RBPJ: variants seen among roughly 807,000 people sequenced by gnomAD.
The protein encoded by RBPJ is recombining binding protein suppressor of hairless.
Under a neutral mutation model 67.8 loss-of-function variants are expected in RBPJ, and 9 were observed. That is an observed-to-expected ratio of 0.13 (90% CI 0.08 to 0.23). The LOEUF (loss-of-function observed/expected upper bound fraction) is 0.23. RBPJ is among the 10% of genes least tolerant of loss of function. RBPJ has a pLI of 1.00. For missense variants in RBPJ, 305 were observed against 595.6 expected (o/e 0.51, Z 5.08); for synonymous variants, 198 against 203.3 (o/e 0.97, Z 0.22).
At chr4:26,322,800 G>C (rs1425766439) in intron 1 of RBPJ, 1 of 151,822 alleles carries the variant, frequency 6.6e-6, no homozygotes, top group Admixed American at 6.6e-5. Flanking sequence ...TTGTGTGAAT[G>C]GGGGTGGGGG....
chr4:26,397,090 C>G (rs573587618), intron 2 of RBPJ, among the ~76,000 whole-genome samples: 9 of 152,314 alleles, frequency 5.9e-5, no homozygotes, highest in African/African-American at 2.2e-4. Context: ...ACAAATATCC[C>G]TCTCTTGAAG....
the RBPJ span, among the ~76,000 whole-genome samples, chr4:26,122,881 C>T: frequency 6.6e-6 from 1 of 152,114 alleles, no homozygotes; most frequent in South Asian, 2.1e-4. Flanking sequence ...TCCAATAAAA[C>T]TTTATTTACA....
At chr4:26,363,299 C>T (rs184449478) in intron 1 of RBPJ, among the ~76,000 whole-genome samples, 31 of 152,202 alleles carry the variant, frequency 2.0e-4, no homozygotes, top group African/African-American at 6.7e-4. Flanking sequence ...ACCACTATAC[C>T]TGGCTAGTTT....
chr4:26,158,844 G>A (rs759971625), upstream of RBPJ, among the ~76,000 whole-genome samples: 7 of 152,122 alleles, frequency 4.6e-5, no homozygotes, highest in Non-Finnish European at 1.0e-4. Flanking sequence ...CTTGAAAGAT[G>A]AGGAACTAAA....
At chr4:26,316,384 TAC>T (rs1201386183), upstream of RBPJ, among the ~76,000 whole-genome samples, 2 of 146,396 alleles carry the variant, frequency 1.4e-5, no homozygotes, top group African/African-American at 5.0e-5. Context: ...TTCATATATA[TAC>T]ATTCATATAT....
At chr4:26,418,708 G>T (rs1459248615) in intron 4 of RBPJ, among the ~76,000 whole-genome samples, 4 of 152,042 alleles carry the variant, frequency 2.6e-5, no homozygotes, top group Non-Finnish European at 5.9e-5. Context: ...TTTCCCATTA[G>T]AATGTAATTA....
At chr4:26,420,772 T>G in intron 5 of RBPJ, 47 bp downstream of exon 5, 1 of 1,448,864 alleles carries the variant, frequency 6.9e-7, no homozygotes, top group South Asian at 1.4e-5. Context: ...CATGAATTAA[T>G]AAGACAGACT....
At chr4:26,119,964 T>C in the RBPJ span, among the ~76,000 whole-genome samples, 6 of 152,212 alleles carry the variant, frequency 3.9e-5, no homozygotes, top group African/African-American at 1.4e-4. Flanking sequence ...GGCAAAGACA[T>C]CCACTTTATA....
intron 1 of RBPJ, among the ~76,000 whole-genome samples, chr4:26,191,210 T>TATAGAG (rs1364457297): frequency 2.0e-3 from 53 of 26,806 alleles, no homozygotes; most frequent in Non-Finnish European, 2.5e-3. Flanking sequence ...TATATATATA[T>TATAGAG]AGAGAGAGAG....
rs7680671 is a variant in RBPJ, at chr4:26,244,385, G to A, written c.-167+80771G>A. On this transcript the variant is annotated intron_variant, in intron 1 of 4. Transcript: ENST00000512351. The stretch of plus-strand genomic sequence containing the variant: ...TATGCACATATGTGTACACGTGTGT[G>A]TATATATGTATGCACATATGTGTGT... Among the ~76,000 whole-genome samples, 2 of 8,026 alleles carry A rather than the reference G, an allele frequency of 2.5e-4. 1 individual carries two copies. The highest frequency in any genetic ancestry group is 7.4e-4 in the Non-Finnish European group (2 of 2,714). The allele number at this position is 8,026 out of a possible 152,430, so 5.3% of individuals were successfully genotyped here.
chr4:26,142,137 C>T, the RBPJ span, among the ~76,000 whole-genome samples: 1 of 152,234 alleles, frequency 6.6e-6, no homozygotes, highest in Non-Finnish European at 1.5e-5. Flanking sequence ...CCAGGAGCCC[C>T]ACTGCTAAGG....
In RBPJ at chr4:26,255,570, A is replaced by G. The variant is rs1227788610; in HGVS notation, c.-167+91956A>G. The stretch of plus-strand genomic sequence containing the variant: ...GTAATCCCAGCACTTTGGGAGGCCA[A>G]GGCGGGCGGATCACGAGGTCGGGAG... On this transcript the variant is annotated intron_variant, in intron 1 of 4. Transcript: ENST00000512351. Among the ~76,000 whole-genome samples, 4 of 151,102 alleles carry G rather than the reference A, an allele frequency of 2.6e-5. No individual in the cohort carries two copies. In the East Asian group the frequency reaches 7.9e-4, roughly 30 times the overall value.
chr4:26,195,355 A>G (rs1345425793), intron 1 of RBPJ, among the ~76,000 whole-genome samples: 1 of 152,218 alleles, frequency 6.6e-6, no homozygotes, highest in Non-Finnish European at 1.5e-5. Context: ...GAATGGATAA[A>G]TGAAATGTTC....
chr4:26,378,822 T>A (rs1730020209), intron 1 of RBPJ, among the ~76,000 whole-genome samples: 2 of 150,848 alleles, frequency 1.3e-5, no homozygotes, highest in Non-Finnish European at 3.0e-5. Context: ...AGGTCAGGAG[T>A]TCAAGACCAG....
chr4:26,229,863 G>A (rs189183994), intron 1 of RBPJ, among the ~76,000 whole-genome samples: 1 of 152,228 alleles, frequency 6.6e-6, no homozygotes, highest in Non-Finnish European at 1.5e-5. Context: ...TTTGACAGCT[G>A]TGCTACAACA....
intron 4 of RBPJ, 119 bp downstream of exon 4, chr4:26,415,759 A>T: frequency 2.0e-6 from 2 of 994,822 alleles, no homozygotes; most frequent in Non-Finnish European, 3.0e-6. Context: ...AATTTCTTGA[A>T]TATATAAACT....
intron 1 of RBPJ, among the ~76,000 whole-genome samples, chr4:26,241,151 C>T (rs1370327069): frequency 1.3e-5 from 2 of 150,410 alleles, no homozygotes; most frequent in Non-Finnish European, 2.9e-5. Flanking sequence ...GAGCCAAGGT[C>T]GCACCATTGC....
intron 1 of RBPJ, among the ~76,000 whole-genome samples, chr4:26,222,643 T>TAC: frequency 6.8e-6 from 1 of 146,388 alleles, no homozygotes; most frequent in East Asian, 2.0e-4. Flanking sequence ...AATATATATA[T>TAC]ATATATATAT....
chr4:26,353,128 T>C (rs2109453386), intron 1 of RBPJ, among the ~76,000 whole-genome samples: 1 of 152,334 alleles, frequency 6.6e-6, no homozygotes. Flanking sequence ...CCTTTTTTCT[T>C]AAAATATTCA....
Sources: gnomAD v4.1 joint callset for allele counts (sites outside exome capture counted in the v4.1 genomes callset) on GRCh38, gnomAD v4.1.1 for gene constraint, MANE v1.5 for transcripts, NCBI Gene and HGNC (gene_info 2026-07-23, HGNC 2026-07-21) for gene names.